The following TSHZ1 variants were observed in gnomAD, a reference collection of about 807,000 sequenced individuals.
The protein encoded by TSHZ1 is teashirt zinc finger homeobox 1.
A neutral mutation model predicts 67.1 loss-of-function variants in TSHZ1; 12 were observed. The observed-to-expected ratio is 0.18, with a 90% CI of 0.11 to 0.29. TSHZ1 has a LOEUF of 0.29. TSHZ1 is among the 10% of genes least tolerant of loss of function. The pLI is 1.00. For synonymous variants in TSHZ1, 632 were observed against 622.4 expected (o/e 1.02, Z -0.23); for missense variants, 1,305 against 1,413.9 (o/e 0.92, Z 1.23).
intron 1 of TSHZ1, among the ~76,000 whole-genome samples, chr18:75,271,752 C>T (rs1473265039): frequency 1.3e-5 from 2 of 151,690 alleles, no homozygotes; most frequent in African/African-American, 2.4e-5. Flanking sequence ...GGTCCCCTCC[C>T]CACCCCCTTA....
At chr18:75,251,825 A>C (rs143810462) in intron 1 of TSHZ1, among the ~76,000 whole-genome samples, 90 of 152,188 alleles carry the variant, frequency 5.9e-4, no homozygotes, top group African/African-American at 2.1e-3. Context: ...CATCTTACTC[A>C]TTTGGAAAAG....
chr18:75,287,560 C>A lies in TSHZ1; in HGVS notation c.2153C>A (p.Pro718His). ...GTTCACACCCCAAATGGCACAGAGC[C>A]TCTCAAAGCAAAGGTCACCAACGGC... Reference protein sequence around the residue: ...LDVHTPNGTEPLKAKVTNGCN... With the variant: ...LDVHTPNGTEHLKAKVTNGCN... Residue 718 changes from proline to histidine, a missense_variant, in exon 2 of 2, where the codon CCT becomes CAT. Transcript: ENST00000580243. This position sits in a 1 kb window ranked among gnomAD's most constrained non-coding sequence, Gnocchi z 5.0. The A allele has an allele frequency of 6.2e-7, 1 of 1,614,228 alleles. No homozygotes were observed. Among genetic ancestry groups the A allele is most frequent in the Non-Finnish European group, 8.5e-7 (1 of 1,180,042 alleles).
At position 75,285,849 on chromosome 18, in the gene TSHZ1, G is replaced by A. The variant is rs1306985734; in HGVS notation, c.442G>A (p.Ala148Thr). Residue 148 changes from alanine (A) to threonine (T), a missense_variant, in exon 2 of 2, where the codon GCC becomes ACC. Transcript: ENST00000580243. ...KSGSTTSTNDASQKESSAPTP... is the reference protein window; with the variant it reads ...KSGSTTSTNDTSQKESSAPTP... ...GGGTTCCACCACCAGCACCAACGAT[G>A]CCAGCCAGAAGGAGAGCTCCGCCCC... The A allele has an allele frequency of 6.2e-7, 1 of 1,613,016 alleles. No individual in the cohort carries two copies. The highest frequency in any genetic ancestry group is 1.3e-5 in the African/African-American group (1 of 74,828).
chr18:75,248,782 G>C (rs759859148), intron 1 of TSHZ1, among the ~76,000 whole-genome samples: 1 of 152,156 alleles, frequency 6.6e-6, no homozygotes, highest in Non-Finnish European at 1.5e-5. Context: ...GTTTGCCTGT[G>C]CGTCCAGCTT....
intron 1 of TSHZ1, among the ~76,000 whole-genome samples, chr18:75,218,662 C>T (rs565120325): frequency 6.6e-6 from 1 of 152,330 alleles, no homozygotes; most frequent in South Asian, 2.1e-4. Flanking sequence ...TGGGGGGAGC[C>T]GTTCCACCCT....
At position 75,226,237 on chromosome 18, in the gene TSHZ1, C is replaced by T. The variant is rs568221726; in HGVS notation, c.40+14321C>T. ...GCCGTTATGTTTAATTTTCCTCACA[C>T]AGTCAGTAGATAGTCTGTGTCTGCA... is the stretch of plus-strand genomic sequence containing the variant. On this transcript the variant is annotated intron_variant, in intron 1 of 1. Coordinates refer to ENST00000580243, the MANE Select transcript of TSHZ1 (RefSeq NM_001308210.2). Among the ~76,000 whole-genome samples the T allele has an allele frequency of 8.5e-5, 13 of 152,332 alleles. No homozygotes were observed. The South Asian group carries it at 2.1e-3, about 24-fold the overall frequency.
In TSHZ1 at chr18:75,250,016, G is replaced by A. The variant is rs369201551; in HGVS notation, c.41-35432G>A. Among the ~76,000 whole-genome samples, 26 of 151,098 alleles carry A rather than the reference G, an allele frequency of 1.7e-4. 1 individual carries two copies. The highest frequency in any genetic ancestry group is 5.8e-4 in the African/African-American group (24 of 41,104). Reference sequence around the variant, plus strand: ...TCCTCATCTCACCCCTGCAGTAGGTGGAGGACGCATGACTTCCTGCCTTCC... The same window carrying A: ...TCCTCATCTCACCCCTGCAGTAGGTAGAGGACGCATGACTTCCTGCCTTCC... On this transcript the variant is annotated intron_variant, in intron 1 of 1. Transcript: ENST00000580243.
chr18:75,266,745 C>T (rs1001582424), intron 1 of TSHZ1, among the ~76,000 whole-genome samples: 4 of 152,154 alleles, frequency 2.6e-5, no homozygotes, highest in African/African-American at 7.2e-5. Context: ...AGGAGCTGGG[C>T]GCTGAGTCCT....
At chr18:75,276,551 C>T (rs892715093) in intron 1 of TSHZ1, among the ~76,000 whole-genome samples, 10 of 152,122 alleles carry the variant, frequency 6.6e-5, no homozygotes, top group Non-Finnish European at 1.5e-4. Context: ...TATGAGTGAT[C>T]AATTATAACT....
In TSHZ1 at chr18:75,281,979, A is replaced by G. The variant is rs2023692766; in HGVS notation, c.41-3469A>G. On this transcript the variant is annotated intron_variant, in intron 1 of 1. Coordinates refer to ENST00000580243, the MANE Select transcript of TSHZ1 (RefSeq NM_001308210.2). This position sits in a 1 kb window ranked among gnomAD's most constrained non-coding sequence, Gnocchi z 5.3. ...CCCTGGGACATGAGTCCCCGTCCCT[A>G]GGGCAGGGACTTTATGGACCCCCTC... 6.6e-6 allele frequency among the ~76,000 whole-genome samples: 1 copy of G among 152,020 alleles called. No homozygotes were observed. Among genetic ancestry groups the G allele is most frequent in the Admixed American group, 6.5e-5 (1 of 15,274 alleles).
chr18:75,262,279 A>T (rs1260294534), intron 1 of TSHZ1, among the ~76,000 whole-genome samples: 1 of 152,030 alleles, frequency 6.6e-6, no homozygotes, highest in Non-Finnish European at 1.5e-5. Context: ...AAAATACAAA[A>T]CAAACAAACA....
At chr18:75,264,651 GA>G (rs1310895694) in intron 1 of TSHZ1, among the ~76,000 whole-genome samples, 3 of 152,192 alleles carry the variant, frequency 2.0e-5, no homozygotes, top group African/African-American at 7.2e-5. Context: ...TCAGAAGCAT[GA>G]TACCTGGGCC....
rs1216075529 is a variant in TSHZ1, at chr18:75,289,734, G to A, written c.*1093G>A. Reference sequence around the variant, plus strand: ...GTTCCTGCAGCTTGATTTAAATAGAGGACTTTTACTGGCACCTGCATCTCT... The same window carrying A: ...GTTCCTGCAGCTTGATTTAAATAGAAGACTTTTACTGGCACCTGCATCTCT... On this transcript the variant is annotated 3_prime_UTR_variant, in exon 2 of 2. Coordinates refer to ENST00000580243, the MANE Select transcript of TSHZ1 (RefSeq NM_001308210.2). 6.0e-6 allele frequency: 1 copy of A among 166,960 alleles called. No homozygotes were observed. The highest frequency in any genetic ancestry group is 1.5e-5 in the Non-Finnish European group (1 of 68,100). The allele number at this position is 166,960 out of a possible 1,614,324, so 10.3% of individuals were successfully genotyped here. A position where few individuals can be genotyped will look rare whatever the true frequency, so the allele number is the denominator to read the frequency against.
intron 1 of TSHZ1, among the ~76,000 whole-genome samples, chr18:75,279,542 C>T (rs1443623000): frequency 6.6e-6 from 1 of 152,126 alleles, no homozygotes; most frequent in Non-Finnish European, 1.5e-5. Context: ...GAACCCCCTG[C>T]AGTGGCTGTG....
rs1180281631 is a variant in TSHZ1, at chr18:75,287,477, A to G, written c.2070A>G (p.Pro690=). ...AAACGGAGGAAGTCAGCGGCAAACC[A>G]CAGAAGAAGGGCCCTGAGGCCGAGA... ...FPKTEEVSGK[P]QKKGPEAETG... Residue 690 remains proline, a synonymous_variant, in exon 2 of 2, where the codon CCA becomes CCG. Coordinates refer to ENST00000580243, the MANE Select transcript of TSHZ1 (RefSeq NM_001308210.2). The surrounding 1 kb of genome is among the most constrained non-coding windows in gnomAD (Gnocchi z 5.0). 13 of 1,614,090 alleles carry G rather than the reference A, an allele frequency of 8.1e-6. No individual in the cohort carries two copies. The highest frequency in any genetic ancestry group is 1.1e-5 in the Non-Finnish European group (13 of 1,180,048).
At chr18:75,263,466 A>G (rs2023453881) in intron 1 of TSHZ1, among the ~76,000 whole-genome samples, 1 of 152,220 alleles carries the variant, frequency 6.6e-6, no homozygotes, top group Non-Finnish European at 1.5e-5. Flanking sequence ...TGTATATTTT[A>G]TAAATCCCTT....
chr18:75,265,097 G>T (rs546232858), intron 1 of TSHZ1, among the ~76,000 whole-genome samples: 1 of 152,180 alleles, frequency 6.6e-6, no homozygotes, highest in Admixed American at 6.5e-5. Context: ...ATCTTGGACC[G>T]TGGTAGAGAA....
At chr18:75,221,978 T>C (rs1369379705) in intron 1 of TSHZ1, among the ~76,000 whole-genome samples, 1 of 152,204 alleles carries the variant, frequency 6.6e-6, no homozygotes, top group Non-Finnish European at 1.5e-5. Context: ...GAAGCTGCTA[T>C]AACTCTAGAA....
intron 1 of TSHZ1, among the ~76,000 whole-genome samples, chr18:75,258,184 AC>A (rs2023385350): frequency 6.6e-6 from 1 of 152,212 alleles, no homozygotes; most frequent in Non-Finnish European, 1.5e-5. Flanking sequence ...GTGCTCCTCC[AC>A]AGCCACCATG....
Sources: gnomAD v4.1 joint callset for allele counts (sites outside exome capture counted in the v4.1 genomes callset) on GRCh38, gnomAD v4.1.1 for gene constraint, Gnocchi (gnomAD v3.1) non-coding constraint, MANE v1.5 for transcripts, NCBI Gene and HGNC (gene_info 2026-07-23, HGNC 2026-07-21) for gene names.